CNIH3: variants seen among roughly 807,000 people sequenced by gnomAD.
CNIH3 encodes the protein cornichon family AMPA receptor auxiliary protein 3.
Under a neutral mutation model 24.1 loss-of-function variants are expected in CNIH3, and 14 were observed. The observed-to-expected ratio is 0.58, with a 90% CI of 0.38 to 0.91. The LOEUF (loss-of-function observed/expected upper bound fraction) is 0.91, where lower values mean the gene tolerates loss of function less well. Ranked by LOEUF, CNIH3 falls within the 40% of genes least tolerant of loss-of-function variation. CNIH3 has a pLI of 0.00. For synonymous variants in CNIH3, 68 were observed against 73.8 expected (o/e 0.92, Z 0.40); for missense variants, 178 against 196.8 (o/e 0.90, Z 0.57).
chr1:224,554,047 G>A lies in CNIH3; in HGVS notation n.450+7108G>A, dbSNP rs543180696. Among the ~76,000 whole-genome samples, 13 of 152,178 alleles carry A rather than the reference G, an allele frequency of 8.5e-5. No individual in the cohort carries two copies. The South Asian group carries it at 2.5e-3, about 29-fold the overall frequency. ...ATAGACATAAATAACCCACCACAAG[G>A]GTGCTGGAAAATGATTTTTAGAACC... On this transcript the variant is annotated intron_variant and non_coding_transcript_variant, in intron 3 of 5. Transcript: ENST00000471578.
chr1:224,437,944 GCT>G (rs1420269146), intron 1 of CNIH3, among the ~76,000 whole-genome samples: 3 of 145,448 alleles, frequency 2.1e-5, no homozygotes, highest in Non-Finnish European at 4.5e-5. Context: ...ACAGAGTTTC[GCT>G]CTGTCGCCCA....
intron 1 of CNIH3, among the ~76,000 whole-genome samples, chr1:224,505,791 T>C (rs1677883936): frequency 6.6e-6 from 1 of 152,236 alleles, no homozygotes; most frequent in Non-Finnish European, 1.5e-5. Context: ...TTACTGTTTA[T>C]ACCAACAGCA....
At chr1:224,585,941 A>G (rs1314866309) in intron 5 of CNIH3, among the ~76,000 whole-genome samples, 1 of 152,262 alleles carries the variant, frequency 6.6e-6, no homozygotes, top group Non-Finnish European at 1.5e-5. Context: ...CTTGAAAGCC[A>G]TACTTCGTTG....
intron 3 of CNIH3, among the ~76,000 whole-genome samples, chr1:224,547,584 T>C (rs1679750981): frequency 6.6e-6 from 1 of 150,770 alleles, no homozygotes; most frequent in Non-Finnish European, 1.5e-5. Flanking sequence ...TCATAATATA[T>C]AAGGGAGATG....
At chr1:224,696,444 G>A (rs1687180777) in intron 3 of CNIH3, among the ~76,000 whole-genome samples, 1 of 152,196 alleles carries the variant, frequency 6.6e-6, no homozygotes, top group Admixed American at 6.5e-5. Flanking sequence ...TTAGGAGGAC[G>A]GCTGCAGATC....
intron 1 of CNIH3, among the ~76,000 whole-genome samples, chr1:224,633,694 G>T (rs1444661587): frequency 6.6e-6 from 1 of 152,144 alleles, no homozygotes; most frequent in East Asian, 1.9e-4. Context: ...GGGTCTCCAG[G>T]CATCCTTTTA....
At chr1:224,666,600 C>G (rs891938119) in intron 1 of CNIH3, among the ~76,000 whole-genome samples, 1 of 152,128 alleles carries the variant, frequency 6.6e-6, no homozygotes, top group African/African-American at 2.4e-5. Context: ...TGGCTCAGCC[C>G]TCAATCGCCA....
upstream of CNIH3, among the ~76,000 whole-genome samples, chr1:224,614,404 T>G (rs570383477): frequency 6.6e-6 from 1 of 152,188 alleles, no homozygotes; most frequent in Non-Finnish European, 1.5e-5. Flanking sequence ...CCAGGCACTG[T>G]GGTGCACACC....
intron 3 of CNIH3, among the ~76,000 whole-genome samples, chr1:224,687,459 C>G (rs1686717374): frequency 6.6e-6 from 1 of 152,140 alleles, no homozygotes; most frequent in African/African-American, 2.4e-5. Flanking sequence ...TCTGAAACTC[C>G]TGGCTTCAAG....
intron 3 of CNIH3, among the ~76,000 whole-genome samples, chr1:224,602,578 T>G (rs886289434): frequency 6.6e-6 from 1 of 152,194 alleles, no homozygotes. Context: ...TCATAAGTCC[T>G]TACTTGGAAG....
intron 3 of CNIH3, among the ~76,000 whole-genome samples, chr1:224,718,133 C>T (rs557614657): frequency 4.6e-5 from 7 of 152,210 alleles, no homozygotes; most frequent in Admixed American, 1.3e-4. Context: ...AGTAAACAAA[C>T]GCACAATAGG....
chr1:224,452,458 T>C (rs968869093), intron 1 of CNIH3, among the ~76,000 whole-genome samples: 16 of 151,938 alleles, frequency 1.1e-4, no homozygotes, highest in African/African-American at 3.4e-4. Flanking sequence ...CAAAGTGGGC[T>C]GTATTTCAAG....
intron 4 of CNIH3, among the ~76,000 whole-genome samples, chr1:224,579,559 A>G (rs529799584): frequency 5.9e-5 from 9 of 152,130 alleles, no homozygotes; most frequent in Non-Finnish European, 1.3e-4. Context: ...TGAGTGTACT[A>G]TGGTTTAGAT....
Position 224,704,390 on chromosome 1 carries a change from C to T in CNIH3, c.198+19547C>T, listed in dbSNP as rs1481115343. ...GATATGATGCAGGATTATGCACATT[C>T]GAATCCCCTGGGGAGCTTTTAAAAC... is the stretch of plus-strand genomic sequence containing the variant. On this transcript the variant is annotated intron_variant, in intron 3 of 5. Transcript: ENST00000272133. The surrounding 1 kb of genome is among the most constrained non-coding windows in gnomAD (Gnocchi z 4.2). 6.6e-6 allele frequency among the ~76,000 whole-genome samples: 1 copy of T among 152,260 alleles called. No individual in the cohort carries two copies. Among genetic ancestry groups the T allele is most frequent in the South Asian group, 2.1e-4 (1 of 4,814 alleles).
chr1:224,738,733 G>A (rs1245255258), intron 5 of CNIH3, among the ~76,000 whole-genome samples: 14 of 152,076 alleles, frequency 9.2e-5, no homozygotes, highest in Non-Finnish European at 1.0e-4. Flanking sequence ...TAGTATTGGG[G>A]CAATACTTTA....
At chr1:224,488,384 A>G (rs1031796025) in intron 1 of CNIH3, among the ~76,000 whole-genome samples, 1 of 142,804 alleles carries the variant, frequency 7.0e-6, no homozygotes, top group Admixed American at 7.6e-5. Context: ...TAATTTATCT[A>G]TCTGTTAATC....
At position 224,621,910 on chromosome 1, in the gene CNIH3, GT is replaced by G. The variant is rs903879296; in HGVS notation, c.81+4663del. Among the ~76,000 whole-genome samples, 16 of 152,012 alleles carry G rather than the reference GT, an allele frequency of 1.1e-4. 1 individual carries two copies. Among genetic ancestry groups the G allele is most frequent in the Middle Eastern group, 3.4e-3 (1 of 294 alleles). ...AGGTAATTGAATCGTGGGGGATGGG[GT>G]TTTTTTTGTGCTGTTCTCATGATAG... On this transcript the variant is annotated intron_variant, in intron 1 of 5. Transcript: ENST00000272133.
intron 3 of CNIH3, among the ~76,000 whole-genome samples, chr1:224,554,321 C>T (rs1187359804): frequency 2.6e-5 from 4 of 152,110 alleles, no homozygotes; most frequent in Non-Finnish European, 5.9e-5. Flanking sequence ...GTTCTCTTGG[C>T]AGATCCAAGT....
rs536955642 is a variant in CNIH3, at chr1:224,446,503, C to G, written n.203+11641C>G. 2.6e-5 allele frequency among the ~76,000 whole-genome samples: 4 copies of G among 152,020 alleles called. No homozygotes were observed. The South Asian group carries it at 8.3e-4, about 32-fold the overall frequency. ...TCTTGTACATCTTTTTCCTAGGTAT[C>G]GGATGTTTTTTGATGCTAACGTAAA... On this transcript the variant is annotated intron_variant and non_coding_transcript_variant, in intron 1 of 5. Coordinates refer to the CNIH3 transcript ENST00000471578.
Sources: allele counts gnomAD v4.1 joint callset (sites outside exome capture counted in the v4.1 genomes callset), GRCh38; gene constraint gnomAD v4.1.1; non-coding constraint Gnocchi (gnomAD v3.1); transcripts MANE v1.5; gene names NCBI Gene and HGNC (gene_info 2026-07-23, HGNC 2026-07-21).